Variants in NBPF20 observed in about 807,000 individuals in gnomAD.
NBPF20 encodes NBPF family member NBPF20.
Under a neutral mutation model 68.1 loss-of-function variants are expected in NBPF20, and 90 were observed. The observed-to-expected ratio is 1.32, with a 90% CI of 1.11 to 1.58. The LOEUF (loss-of-function observed/expected upper bound fraction) is 1.58. Ranked by LOEUF, NBPF20 falls within the 40% of genes most tolerant of loss-of-function variation. The pLI is 0.00. For synonymous variants in NBPF20, 290 were observed against 228.1 expected, an observed-to-expected ratio of 1.27 and a Z score of -2.45; for missense variants, 816 against 601.2, an observed-to-expected ratio of 1.36 and a Z score of -3.74.
At chr1:145,406,079 C>T (rs1280246518), upstream of NBPF20, among the ~76,000 whole-genome samples, 33 of 148,566 alleles carry the variant, frequency 2.2e-4, no homozygotes, top group African/African-American at 7.0e-4. Flanking sequence ...CCACCACGCC[C>T]GGCTAATTTT....
In NBPF20 at chr1:145,392,874, A is replaced by T. The variant is rs1449362716; in HGVS notation, c.1216+200T>A. On this transcript the variant is annotated intron_variant, in intron 10 of 137. Coordinates refer to ENST00000369373, the Ensembl canonical transcript of NBPF20. ...GGCACCACAGGCATGGCCTGAGACT[A>T]GGAAGAGAGCCTTGCTCACTGACCC... Among the ~76,000 whole-genome samples the T allele has an allele frequency of 5.2e-5, 5 of 95,842 alleles. 1 individual carries two copies. The highest frequency in any genetic ancestry group is 7.5e-5 in the Non-Finnish European group (4 of 53,488). The allele number at this position is 95,842 out of a possible 152,430, so 62.9% of individuals were successfully genotyped here.
upstream of NBPF20, among the ~76,000 whole-genome samples, chr1:145,410,317 CT>C (rs782521148): frequency 3.6e-3 from 514 of 142,236 alleles, 1 homozygote; most frequent in South Asian, 0.013. Flanking sequence ...CATGTATCTT[CT>C]TTTTTTTTTT....
In NBPF20 at chr1:145,404,979, T is replaced by C. The variant is rs587731433; in HGVS notation, c.175+119A>G. 92 of 1,392,926 alleles carry C rather than the reference T, an allele frequency of 6.6e-5. No individual in the cohort carries two copies. The Admixed American group carries it at 1.3e-3, about 19-fold the overall frequency. The allele number at this position is 1,392,926 out of a possible 1,614,324, so 86.3% of individuals were successfully genotyped here. A position where few individuals can be genotyped will look rare whatever the true frequency, so the allele number is the denominator to read the frequency against. On this transcript the variant is annotated intron_variant, in intron 2 of 137. Coordinates refer to ENST00000369373, the Ensembl canonical transcript of NBPF20. ...AACTAACAAAATGTTAAAATACCCA[T>C]TTCTGTTTTCCTACAAGTACAAGAA...
chr1:145,334,735 A>C (rs1661551973), intron 83 of NBPF20, 104 bp from the exon 89 acceptor site: 2 of 521,846 alleles, frequency 3.8e-6, no homozygotes, highest in African/African-American at 4.4e-5. Flanking sequence ...AAAAAGAAAA[A>C]GGACAGATCC....
chr1:145,416,234 C>T, the NBPF20 span, among the ~76,000 whole-genome samples: 4 of 136,324 alleles, frequency 2.9e-5, no homozygotes, highest in African/African-American at 1.1e-4. Context: ...TAAAAAATTC[C>T]TTTTCTTGTG....
chr1:145,422,791 C>A, the NBPF20 span, among the ~76,000 whole-genome samples: 3 of 151,892 alleles, frequency 2.0e-5, no homozygotes, highest in Non-Finnish European at 2.9e-5. Flanking sequence ...GAGTTTGAGA[C>A]CAACCTGGGA....
chr1:145,404,319 T>C (rs1317110021), intron 2 of NBPF20, among the ~76,000 whole-genome samples: 1 of 151,978 alleles, frequency 6.6e-6, no homozygotes, highest in Non-Finnish European at 1.5e-5. Context: ...AGTGCAATAG[T>C]GCAATCTTGG....
chr1:145,408,000 T>G (rs1321541559), upstream of NBPF20: 8 of 179,562 alleles, frequency 4.5e-5, no homozygotes, highest in Admixed American at 4.6e-4. Context: ...GGATGGGGAA[T>G]TGACCACGGA....
intron 137 of NBPF20, among the ~76,000 whole-genome samples, chr1:145,291,984 C>CAG (rs587696356): frequency 1.3e-5 from 2 of 149,716 alleles, no homozygotes; most frequent in African/African-American, 5.1e-5. Context: ...GAGACAGAGA[C>CAG]AGAGAGAGAG....
intron 8 of NBPF20, among the ~76,000 whole-genome samples, 153 bp downstream of exon 13, chr1:145,394,825 C>T (rs1205075519): frequency 1.3e-5 from 2 of 152,234 alleles, no homozygotes; most frequent in Non-Finnish European, 1.5e-5. Flanking sequence ...GCTTCAGACT[C>T]GACTCCAGAG....
At chr1:145,394,661 G>T (rs1213572038) in intron 8 of NBPF20, among the ~76,000 whole-genome samples, 7 of 152,140 alleles carry the variant, frequency 4.6e-5, no homozygotes, top group East Asian at 3.9e-4. Context: ...GATGAGCTGA[G>T]CTGACAGACA....
the NBPF20 span, among the ~76,000 whole-genome samples, chr1:145,425,365 G>T: frequency 6.6e-6 from 1 of 151,990 alleles, no homozygotes; most frequent in Non-Finnish European, 1.5e-5. Context: ...CGGAAACGCT[G>T]GGTGGACTTC....
exon 9 of NBPF20, chr1:145,393,891 C>T (rs1177389127): frequency 8.4e-6 from 13 of 1,543,924 alleles, no homozygotes; most frequent in Middle Eastern, 3.9e-4. Context: ...CACCTGGGAC[C>T]TGTTGCCTCT....
the NBPF20 span, among the ~76,000 whole-genome samples, chr1:145,424,495 T>C: frequency 4.6e-5 from 7 of 152,348 alleles, no homozygotes; most frequent in Non-Finnish European, 8.8e-5. Flanking sequence ...GCAGATCTTT[T>C]CTTTAACTTC....
At position 145,291,750 on chromosome 1, in the gene NBPF20, C is replaced by A. The variant is rs1406705921; in HGVS notation, c.16717G>T (p.Glu5573Ter). ...TGTAAGACTTCAGGCTCTTCCACTT[C>A]CATCAGCACGCCGTTGAGCCTGGAA... The change falls in exon 138 of 138, where the codon GAA becomes TAA. Residue 5573 changes from glutamate (E) to a stop codon, truncating the protein, a stop_gained. Transcript: ENST00000369373. LOFTEE classifies it high-confidence loss of function. 7.7e-5 allele frequency: 124 copies of A among 1,611,818 alleles called. No homozygotes were observed. Among genetic ancestry groups the A allele is most frequent in the Non-Finnish European group, 1.0e-4 (118 of 1,179,874 alleles).
intron 10 of NBPF20, 112 bp downstream of exon 15, chr1:145,392,962 C>A: frequency 2.9e-6 from 1 of 346,718 alleles, no homozygotes. Context: ...GCCTATAGGA[C>A]CTCCCTGTGG....
At chr1:145,403,184 C>A in intron 3 of NBPF20, 32 bp downstream of exon 8, 3 of 1,611,500 alleles carry the variant, frequency 1.9e-6, no homozygotes, top group African/African-American at 1.3e-5. Flanking sequence ...TACACACCTG[C>A]CCCCCTGCCT....
the NBPF20 span, among the ~76,000 whole-genome samples, chr1:145,410,903 G>T: frequency 1.6e-5 from 2 of 121,782 alleles, no homozygotes; most frequent in South Asian, 2.4e-4. Context: ...ACACACACAC[G>T]TTTGTGTGTG....
chr1:145,408,838 T>C (rs1382655872), upstream of NBPF20, among the ~76,000 whole-genome samples: 3 of 152,028 alleles, frequency 2.0e-5, no homozygotes, highest in African/African-American at 7.2e-5. Context: ...GTTATTAATC[T>C]CTATTATGTT....
Sources: gnomAD v4.1 joint callset for allele counts (sites outside exome capture counted in the v4.1 genomes callset) on GRCh38, gnomAD v4.1.1 for gene constraint, MANE v1.5 for transcripts, NCBI Gene and HGNC (gene_info 2026-07-23, HGNC 2026-07-21) for gene names.